Variants in KPNA3 observed in about 807,000 individuals in gnomAD.
KPNA3 encodes the protein karyopherin subunit alpha 3.
A neutral mutation model predicts 73.8 loss-of-function variants in KPNA3; 13 were observed. That is an observed-to-expected ratio of 0.18 (90% CI 0.11 to 0.28). The LOEUF (loss-of-function observed/expected upper bound fraction) is 0.28. Ranked by LOEUF, KPNA3 falls within the 10% of genes least tolerant of loss-of-function variation. KPNA3 has a pLI of 1.00. For synonymous variants in KPNA3, 186 were observed against 206.9 expected (o/e 0.90, Z 0.87); for missense variants, 360 against 618.1 (o/e 0.58, Z 4.43).
At chr13:49,745,342 T>C (rs116780311) in intron 2 of KPNA3, among the ~76,000 whole-genome samples, 2,590 of 151,590 alleles carry the variant, frequency 0.017, 56 homozygotes, top group African/African-American at 0.059. Context: ...TCCCTACAAC[T>C]GAAAAGTTTC....
chr13:49,727,692 A>T (rs1286169487), intron 6 of KPNA3, among the ~76,000 whole-genome samples: 1 of 152,160 alleles, frequency 6.6e-6, no homozygotes, highest in African/African-American at 2.4e-5. Flanking sequence ...ATAAACTCAT[A>T]CTAACTTTCT....
At chr13:49,711,622 T>C (rs1366795064) in intron 10 of KPNA3, among the ~76,000 whole-genome samples, 1 of 152,164 alleles carries the variant, frequency 6.6e-6, no homozygotes, top group Admixed American at 6.5e-5. Flanking sequence ...CTATCCTAAC[T>C]TTGCAACTAC....
At chr13:49,724,184 A>G (rs1333094498) in intron 7 of KPNA3, among the ~76,000 whole-genome samples, 1 of 152,196 alleles carries the variant, frequency 6.6e-6, no homozygotes, top group East Asian at 1.9e-4. Flanking sequence ...TCCTCGGTTA[A>G]TGAACATTTG....
chr13:49,714,655 TTG>T (rs1954288982), intron 10 of KPNA3, among the ~76,000 whole-genome samples: 4 of 152,116 alleles, frequency 2.6e-5, no homozygotes, highest in Admixed American at 2.0e-4. Flanking sequence ...GCTATATAAA[TTG>T]TTCCAGAGTA....
At chr13:49,757,007 A>C (rs1023992620) in intron 1 of KPNA3, among the ~76,000 whole-genome samples, 13 of 152,208 alleles carry the variant, frequency 8.5e-5, no homozygotes, top group Admixed American at 2.0e-4. Context: ...TGACAGACAA[A>C]AATATTAACC....
At chr13:49,729,085 G>A (rs1486109642) in intron 6 of KPNA3, among the ~76,000 whole-genome samples, 3 of 152,148 alleles carry the variant, frequency 2.0e-5, no homozygotes, top group Non-Finnish European at 1.5e-5. Context: ...AAAGTGTCTT[G>A]ACCTTGATGG....
intron 1 of KPNA3, among the ~76,000 whole-genome samples, chr13:49,751,182 C>T (rs1769179489): frequency 6.6e-6 from 1 of 152,140 alleles, no homozygotes; most frequent in Non-Finnish European, 1.5e-5. Context: ...TACTTGTTCC[C>T]TTCCTAACAC....
chr13:49,745,834 C>T (rs1028146847), intron 2 of KPNA3, among the ~76,000 whole-genome samples: 23 of 150,394 alleles, frequency 1.5e-4, no homozygotes, highest in Admixed American at 1.2e-3. Context: ...GAGGCTGAGG[C>T]GGGCAGATCA....
intron 1 of KPNA3, among the ~76,000 whole-genome samples, chr13:49,785,543 A>C (rs895981342): frequency 3.9e-5 from 6 of 152,208 alleles, no homozygotes; most frequent in African/African-American, 1.4e-4. Context: ...GATTTTATGA[A>C]ATTTAAGTCC....
chr13:49,739,845 A>G (rs934171738), intron 2 of KPNA3, among the ~76,000 whole-genome samples: 3 of 152,214 alleles, frequency 2.0e-5, no homozygotes, highest in Non-Finnish European at 4.4e-5. Flanking sequence ...ATTTAGACAG[A>G]AAGACCTGCT....
chr13:49,747,851 G>C (rs1954632067), intron 1 of KPNA3, among the ~76,000 whole-genome samples: 1 of 152,120 alleles, frequency 6.6e-6, no homozygotes, highest in South Asian at 2.1e-4. Context: ...CCATTTCCCT[G>C]CCCTAACTGT....
At chr13:49,718,437 TCACATAAA>T (rs1289535107) in intron 10 of KPNA3, among the ~76,000 whole-genome samples, 2 of 152,272 alleles carry the variant, frequency 1.3e-5, no homozygotes, top group Admixed American at 1.3e-4. Context: ...ACCCCAGCTT[TCACATAAA>T]CACAACCAAC....
intron 11 of KPNA3, among the ~76,000 whole-genome samples, chr13:49,710,180 T>G (rs1954247147): frequency 1.3e-5 from 2 of 152,184 alleles, no homozygotes; most frequent in Non-Finnish European, 2.9e-5. Context: ...GAGAATCACT[T>G]GAACCTGAGA....
chr13:49,738,568 C>A lies in KPNA3; in HGVS notation c.115-5522G>T, dbSNP rs538555751. ...TAATATTCACTGTATAAATCCTGTA[C>A]ATGTTTGTTAATATATACTGAAGTA... On this transcript the variant is annotated intron_variant, in intron 2 of 16. Transcript: ENST00000261667. Among the ~76,000 whole-genome samples, 19 of 152,242 alleles carry A rather than the reference C, an allele frequency of 1.2e-4. 1 individual carries two copies. In the South Asian group the frequency reaches 3.9e-3, roughly 32 times the overall value.
intron 1 of KPNA3, among the ~76,000 whole-genome samples, chr13:49,752,790 A>G (rs1432477072): frequency 1.3e-5 from 2 of 152,086 alleles, no homozygotes; most frequent in Admixed American, 1.3e-4. Context: ...GCACTTTGGG[A>G]GGCCGAGGCG....
At chr13:49,764,120 T>A (rs1003794217) in intron 1 of KPNA3, among the ~76,000 whole-genome samples, 1 of 44,916 alleles carries the variant, frequency 2.2e-5, no homozygotes, top group Non-Finnish European at 6.5e-5. Flanking sequence ...TCTGTTGGGT[T>A]TGTTTTGTTT....
At chr13:49,714,400 A>G (rs1160819776) in intron 10 of KPNA3, among the ~76,000 whole-genome samples, 5 of 152,176 alleles carry the variant, frequency 3.3e-5, no homozygotes, top group Non-Finnish European at 5.9e-5. Context: ...AACCCTTAAA[A>G]TAATAAATTA....
intron 6 of KPNA3, among the ~76,000 whole-genome samples, chr13:49,728,159 C>A (rs751663377): frequency 6.6e-6 from 1 of 150,652 alleles, no homozygotes; most frequent in Non-Finnish European, 1.5e-5. Context: ...GGTGTGAACC[C>A]AGGAGGCGGA....
At chr13:49,754,676 T>C (rs1954695624) in intron 1 of KPNA3, among the ~76,000 whole-genome samples, 5 of 142,330 alleles carry the variant, frequency 3.5e-5, no homozygotes. Context: ...TGCAGAGTTA[T>C]AATATTAGAA....
Sources: gnomAD v4.1 joint callset for allele counts (sites outside exome capture counted in the v4.1 genomes callset) on GRCh38, gnomAD v4.1.1 for gene constraint, MANE v1.5 for transcripts, NCBI Gene and HGNC (gene_info 2026-07-23, HGNC 2026-07-21) for gene names.